The following PXK variants were observed in gnomAD, a reference collection of about 807,000 sequenced individuals.
PXK encodes the protein PX domain-containing protein kinase-like protein.
In PXK, 35 loss-of-function variants were observed where a neutral mutation model predicts 84.7. The observed-to-expected ratio is 0.41, with a 90% CI of 0.32 to 0.55. The LOEUF (loss-of-function observed/expected upper bound fraction) is 0.55, where lower values mean the gene tolerates loss of function less well. Ranked by LOEUF, PXK falls within the 20% of genes least tolerant of loss-of-function variation. The probability of loss-of-function intolerance (pLI) is 0.21; values close to 1 mark genes in which losing one functional copy is unlikely to be tolerated. For synonymous variants in PXK, 253 were observed against 260.8 expected (o/e 0.97, Z 0.29); for missense variants, 634 against 699.7 (o/e 0.91, Z 1.06).
intron 1 of PXK, among the ~76,000 whole-genome samples, chr3:58,341,629 A>G (rs1475992481): frequency 3.3e-5 from 5 of 152,104 alleles, no homozygotes; most frequent in East Asian, 1.9e-4. Context: ...AAAGCATACA[A>G]TCCAATGGCT....
intron 1 of PXK, among the ~76,000 whole-genome samples, chr3:58,357,821 G>T (rs1356164291): frequency 6.6e-6 from 1 of 151,974 alleles, no homozygotes; most frequent in East Asian, 1.9e-4. Context: ...TTGGTGGTGG[G>T]CACCTGTAAT....
intron 7 of PXK, among the ~76,000 whole-genome samples, chr3:58,394,110 C>T (rs1252723752): frequency 6.6e-6 from 1 of 152,176 alleles, no homozygotes; most frequent in Non-Finnish European, 1.5e-5. Context: ...ATGTGATGAT[C>T]AGGAGAACTT....
chr3:58,397,321 G>T lies in PXK; in HGVS notation c.984+121G>T. The T allele has an allele frequency of 2.4e-6, 3 of 1,227,774 alleles. No homozygotes were observed. Among genetic ancestry groups the T allele is most frequent in the East Asian group, 2.3e-5 (1 of 42,844 alleles). The allele number at this position is 1,227,774 out of a possible 1,614,324, so 76.1% of individuals were successfully genotyped here. A position where few individuals can be genotyped will look rare whatever the true frequency, so the allele number is the denominator to read the frequency against. On this transcript the variant is annotated intron_variant, in intron 10 of 17. Transcript: ENST00000356151. The surrounding 1 kb of genome is among the most constrained non-coding windows in gnomAD (Gnocchi z 4.7). The stretch of plus-strand genomic sequence containing the variant: ...GGTATAGTTGGGACAGGCCTTGCCC[G>T]TCAGCCCTTGCAGCGTTGCTGTATC...
At position 58,410,266 on chromosome 3, in the gene PXK, T is replaced by C. The variant is rs560341339; in HGVS notation, c.1465+107T>C. Reference sequence around the variant, plus strand: ...TCTGCTGGCCAGAAACTGGGCAATGTAGTAATGACTACAGAGAACAAAATA... The same window carrying C: ...TCTGCTGGCCAGAAACTGGGCAATGCAGTAATGACTACAGAGAACAAAATA... On this transcript the variant is annotated intron_variant, in intron 16 of 17. Transcript: ENST00000356151. The C allele has an allele frequency of 2.5e-5, 19 of 757,454 alleles. No individual in the cohort carries two copies. In the African/African-American group the frequency reaches 2.9e-4, roughly 12 times the overall value. The allele number at this position is 757,454 out of a possible 1,614,324, so 46.9% of individuals were successfully genotyped here. A position where few individuals can be genotyped will look rare whatever the true frequency, so the allele number is the denominator to read the frequency against.
At chr3:58,345,927 C>T (rs1337639512) in intron 1 of PXK, among the ~76,000 whole-genome samples, 2 of 152,158 alleles carry the variant, frequency 1.3e-5, no homozygotes, top group Non-Finnish European at 2.9e-5. Context: ...ATAAGGATCT[C>T]AGTTTAAAAA....
At chr3:58,348,782 G>A (rs1329475847) in intron 1 of PXK, among the ~76,000 whole-genome samples, 2 of 151,744 alleles carry the variant, frequency 1.3e-5, no homozygotes, top group Non-Finnish European at 2.9e-5. Context: ...AGGTGTGGTG[G>A]CATACCTGTA....
chr3:58,339,129 G>C (rs549139612), intron 1 of PXK, among the ~76,000 whole-genome samples: 2 of 152,062 alleles, frequency 1.3e-5, no homozygotes, highest in Admixed American at 6.5e-5. Context: ...AAGCTTTTAG[G>C]TACTGGTAAT....
intron 13 of PXK, among the ~76,000 whole-genome samples, chr3:58,404,618 G>T (rs535908272): frequency 1.3e-5 from 2 of 152,336 alleles, no homozygotes; most frequent in Admixed American, 1.3e-4. Context: ...GGTGAGTAAT[G>T]CATGTCTGTT....
intron 4 of PXK, among the ~76,000 whole-genome samples, chr3:58,388,297 C>G (rs1231729866): frequency 6.6e-6 from 1 of 152,132 alleles, no homozygotes; most frequent in Non-Finnish European, 1.5e-5. Flanking sequence ...TCCCCTGTTC[C>G]TAAAACAATG....
intron 3 of PXK, among the ~76,000 whole-genome samples, chr3:58,380,141 G>C (rs1215599797): frequency 6.6e-6 from 1 of 152,154 alleles, no homozygotes; most frequent in East Asian, 1.9e-4. Context: ...AACTTAAGGA[G>C]ATTAGTTTTT....
At chr3:58,340,725 CAA>C (rs112156597) in intron 1 of PXK, among the ~76,000 whole-genome samples, 3 of 136,508 alleles carry the variant, frequency 2.2e-5, no homozygotes, top group Non-Finnish European at 1.6e-5. Flanking sequence ...AACTCTGTCT[CAA>C]AAAAAAAAAA....
rs746038329 is a variant in PXK at position 58,412,948 on chromosome 3, C to A, written c.1513C>A (p.Pro505Thr). ...TCTCACGTCCCCGTCATCGCCAACT[C>A]CACCCTCTACATCAGGTTAGTGATG... The part of the protein sequence containing the change: ...SPLTSPSSPT[P>T]PSTSGISALP... Residue 505 changes from proline to threonine, a missense_variant, in exon 17 of 18, where the codon CCA becomes ACA. This residue lies in a region of PXK where 273 missense variants were observed against 283.6 expected (regional missense o/e 0.96). Transcript: ENST00000356151. This position sits in a 1 kb window ranked among gnomAD's most constrained non-coding sequence, Gnocchi z 6.2. 2 of 1,614,154 alleles carry A rather than the reference C, an allele frequency of 1.2e-6. No individual in the cohort carries two copies. The highest frequency in any genetic ancestry group is 4.5e-5 in the East Asian group (2 of 44,886).
chr3:58,378,498 T>C lies in PXK; in HGVS notation c.202-4016T>C, dbSNP rs796727102. Among the ~76,000 whole-genome samples, 65 of 38,862 alleles carry C rather than the reference T, an allele frequency of 1.7e-3. 3 individuals carry two copies. Among genetic ancestry groups the C allele is most frequent in the South Asian group, 4.2e-3 (5 of 1,188 alleles). 25.5% of individuals were successfully genotyped at this position (38,862 alleles called of 152,430 possible). A position where few individuals can be genotyped will look rare whatever the true frequency, so the allele number is the denominator to read the frequency against. On this transcript the variant is annotated intron_variant, in intron 3 of 17. Transcript: ENST00000356151. ...TTTGGACTTCATTTTTCTTCTTTTTTTTTTTTTTTTTTTTTGTGTGTGTGT... is the reference window on the plus strand; with the variant it reads ...TTTGGACTTCATTTTTCTTCTTTTTCTTTTTTTTTTTTTTTGTGTGTGTGT...
At position 58,397,465 on chromosome 3, in the gene PXK, C is replaced by T; in HGVS notation, c.985-140C>T. On this transcript the variant is annotated intron_variant, in intron 10 of 17. Transcript: ENST00000356151. The surrounding 1 kb of genome is among the most constrained non-coding windows in gnomAD (Gnocchi z 4.7). ...ATACCTCATGAGGTTTTACAGAAGG[C>T]TTTGGAGTTGCATTTACGTTACCAA... The T allele has an allele frequency of 1.2e-6, 1 of 831,066 alleles. No individual in the cohort carries two copies. The allele number at this position is 831,066 out of a possible 1,614,324, so 51.5% of individuals were successfully genotyped here.
intron 2 of PXK, among the ~76,000 whole-genome samples, chr3:58,368,362 G>A (rs2108487658): frequency 6.6e-6 from 1 of 152,080 alleles, no homozygotes; most frequent in Middle Eastern, 3.4e-3. Context: ...TCATTCTGTT[G>A]CCCGGGCTGG....
chr3:58,396,950 CA>C, intron 9 of PXK, 88 bp from the exon 10 acceptor site: 4 of 1,392,342 alleles, frequency 2.9e-6, no homozygotes, highest in Non-Finnish European at 3.9e-6. Flanking sequence ...GGTTTTGTTT[CA>C]AAATATATTG....
Position 58,409,991 on chromosome 3 carries a change from TG to T in PXK, c.1396-97del, listed in dbSNP as rs1307357157. On this transcript the variant is annotated intron_variant, in intron 15 of 17. Transcript: ENST00000356151. This position sits in a 1 kb window ranked among gnomAD's most constrained non-coding sequence, Gnocchi z 4.2. ...ATTACCTTGTCTGCAGCTAGTTTAA[TG>T]GTATGCCTGGAAAATATTTTTATTC... The T allele has an allele frequency of 1.3e-6, 1 of 751,388 alleles. No homozygotes were observed. Among genetic ancestry groups the T allele is most frequent in the East Asian group, 2.6e-5 (1 of 38,224 alleles). 46.5% of individuals were successfully genotyped at this position (751,388 alleles called of 1,614,324 possible).
chr3:58,391,694 ATAAAAT>A, intron 6 of PXK, 73 bp from the exon 7 acceptor site: 3 of 1,307,208 alleles, frequency 2.3e-6, no homozygotes, highest in Non-Finnish European at 3.3e-6. Context: ...ATTTTGGATA[ATAAAAT>A]TAAAGGGAAA....
At position 58,341,711 on chromosome 3, in the gene PXK, C is replaced by CTT. The variant is rs61042213; in HGVS notation, c.102+8630_102+8631dup. ...AGAACATTTTCTTTTCTTTTCTTTT[C>CTT]TTTTTTTTTTGGTGAGGAGTCTTGC... On this transcript the variant is annotated intron_variant, in intron 1 of 17. Transcript: ENST00000356151. Among the ~76,000 whole-genome samples, 349 of 147,182 alleles carry CTT rather than the reference C, an allele frequency of 2.4e-3. 4 individuals are homozygous for CTT. Among genetic ancestry groups the CTT allele is most frequent in the Admixed American group, 0.018 (271 of 14,734 alleles).
Sources: allele counts gnomAD v4.1 joint callset (sites outside exome capture counted in the v4.1 genomes callset), GRCh38; gene constraint gnomAD v4.1.1; regional missense constraint gnomAD v4.1.1; non-coding constraint Gnocchi (gnomAD v3.1); transcripts MANE v1.5; gene names NCBI Gene and HGNC (gene_info 2026-07-23, HGNC 2026-07-21).